ZPLD1: variants seen among roughly 807,000 people sequenced by gnomAD.
ZPLD1 encodes the protein zona pellucida like domain containing 1.
A neutral mutation model predicts 47.2 loss-of-function variants in ZPLD1; 34 were observed. The ratio of observed to expected loss-of-function variants is 0.72; its 90% CI spans 0.55 to 0.96. The LOEUF (loss-of-function observed/expected upper bound fraction) is 0.96, where lower values mean the gene tolerates loss of function less well. ZPLD1 is among the 40% of genes least tolerant of loss of function. The pLI is 0.00. For missense variants in ZPLD1, 512 were observed against 505.8 expected (o/e 1.01, Z -0.12); for synonymous variants, 176 against 186.2 (o/e 0.95, Z 0.45).
chr3:102,471,946 A>C (rs1707692122), intron 10 of ZPLD1, among the ~76,000 whole-genome samples: 3 of 152,162 alleles, frequency 2.0e-5, no homozygotes, highest in Non-Finnish European at 4.4e-5. Context: ...TATTAGCCTT[A>C]ATGCTGTTAT....
chr3:102,408,787 C>T (rs1056833881), intron 7 of ZPLD1, among the ~76,000 whole-genome samples: 7 of 151,788 alleles, frequency 4.6e-5, no homozygotes, highest in African/African-American at 1.2e-4. Flanking sequence ...CACTGTTTGA[C>T]GTTTGTCCTT....
chr3:102,448,692 CAAATTGGTTATAGGAAAACAGA>C, intron 3 of ZPLD1, among the ~76,000 whole-genome samples: 1 of 152,274 alleles, frequency 6.6e-6, no homozygotes, highest in East Asian at 1.9e-4. Context: ...GCAGGAGTTA[CAAATTGGTTATAGGAAAACAGA>C]AAAGAGCACT....
chr3:102,420,506 A>T (rs549467244), intron 8 of ZPLD1, among the ~76,000 whole-genome samples: 1 of 152,124 alleles, frequency 6.6e-6, no homozygotes, highest in South Asian at 2.1e-4. Context: ...AGAAAATTTG[A>T]ACACAGATAA....
At chr3:102,477,409 GC>G in intron 11 of ZPLD1, 33 bp from the exon 12 acceptor site, 1 of 1,593,582 alleles carries the variant, frequency 6.3e-7, no homozygotes, top group South Asian at 1.1e-5. Context: ...ATTATATGGG[GC>G]CTTTACAACC....
At chr3:102,421,251 G>T (rs917868692) in intron 8 of ZPLD1, among the ~76,000 whole-genome samples, 1 of 151,698 alleles carries the variant, frequency 6.6e-6, no homozygotes, top group African/African-American at 2.4e-5. Context: ...TTACATGACA[G>T]AATATAAATC....
At chr3:102,469,320 C>T (rs770752025) in intron 9 of ZPLD1, among the ~76,000 whole-genome samples, 185 bp downstream of exon 9, 18 of 152,068 alleles carry the variant, frequency 1.2e-4, no homozygotes, top group South Asian at 2.1e-4. Context: ...AGCATTATAC[C>T]GAGGATACAG....
At chr3:102,412,528 G>A (rs1214299632) in intron 7 of ZPLD1, among the ~76,000 whole-genome samples, 3 of 151,756 alleles carry the variant, frequency 2.0e-5, no homozygotes, top group Non-Finnish European at 2.9e-5. Flanking sequence ...AAGTTGTTTT[G>A]CCTGAAAAAT....
At chr3:102,428,428 A>G (rs1476871491) in intron 8 of ZPLD1, among the ~76,000 whole-genome samples, 1 of 152,158 alleles carries the variant, frequency 6.6e-6, no homozygotes, top group Non-Finnish European at 1.5e-5. Flanking sequence ...TAAAATAGCT[A>G]GGCTCAAATC....
At chr3:102,462,013 T>A (rs2107346533) in intron 6 of ZPLD1, among the ~76,000 whole-genome samples, 1 of 152,192 alleles carries the variant, frequency 6.6e-6, no homozygotes, top group South Asian at 2.1e-4. Flanking sequence ...GACCACTGAA[T>A]ATAATTTAGA....
chr3:102,413,312 G>A (rs1706766647), intron 7 of ZPLD1, among the ~76,000 whole-genome samples: 1 of 151,678 alleles, frequency 6.6e-6, no homozygotes. Flanking sequence ...ATCTTAAGAT[G>A]GTCATAGACA....
chr3:102,388,062 G>A (rs1045613283), intron 6 of ZPLD1, among the ~76,000 whole-genome samples: 7 of 151,714 alleles, frequency 4.6e-5, no homozygotes, highest in Non-Finnish European at 8.8e-5. Flanking sequence ...GGGTTTCACC[G>A]TGTTAGCCAG....
chr3:102,453,130 C>T lies in ZPLD1; in HGVS notation c.318C>T (p.Asn106=). Residue 106 remains asparagine (N), a synonymous_variant, in exon 4 of 12, where the codon AAC becomes AAT. Coordinates refer to ENST00000466937, the MANE Select transcript of ZPLD1 (RefSeq NM_001329788.2). The part of the protein sequence containing the change: ...INLSTLEGCG[N]NLVVSTIPGV... ...TCAGCACCTTGGAGGGCTGTGGAAACAACCTGGTGGTAAGATTAGTGTGAC... is the reference window on the plus strand; with the variant it reads ...TCAGCACCTTGGAGGGCTGTGGAAATAACCTGGTGGTAAGATTAGTGTGAC... 1.2e-6 allele frequency: 2 copies of T among 1,613,920 alleles called. No individual in the cohort carries two copies. Among genetic ancestry groups the T allele is most frequent in the South Asian group, 2.2e-5 (2 of 91,076 alleles).
rs1211835168 is a variant in ZPLD1, at chr3:102,477,046, G to A, written c.1072+5G>A. On this transcript the variant is annotated splice_donor_5th_base_variant and intron_variant, in intron 11 of 11. Coordinates refer to ENST00000466937, the MANE Select transcript of ZPLD1 (RefSeq NM_001329788.2). ...CAACCAACAATTCGCAACTTGGTAA[G>A]ATAATTAACATATTTTGCAATGTTT... 1 of 1,613,480 alleles carries A rather than the reference G, an allele frequency of 6.2e-7. No homozygotes were observed. The highest frequency in any genetic ancestry group is 8.5e-7 in the Non-Finnish European group (1 of 1,179,590).
At chr3:102,405,087 A>G (rs1706665917) in intron 7 of ZPLD1, among the ~76,000 whole-genome samples, 1 of 152,008 alleles carries the variant, frequency 6.6e-6, no homozygotes, top group Non-Finnish European at 1.5e-5. Flanking sequence ...ACTATTTGCT[A>G]TATTACAAGT....
Position 102,461,725 on chromosome 3 carries a change from G to A in ZPLD1, c.583-556G>A, listed in dbSNP as rs1010177639. Among the ~76,000 whole-genome samples, 5 of 151,850 alleles carry A rather than the reference G, an allele frequency of 3.3e-5. No individual in the cohort carries two copies. In the South Asian group the frequency reaches 8.3e-4, roughly 25 times the overall value. On this transcript the variant is annotated intron_variant, in intron 6 of 11. Coordinates refer to ENST00000466937, the MANE Select transcript of ZPLD1 (RefSeq NM_001329788.2). ...CCTGTAGTTTCTTCTATTCTCCCTAGAAGAAAATTTCTATTCTTCTGTGAC... is the reference window on the plus strand; with the variant it reads ...CCTGTAGTTTCTTCTATTCTCCCTAAAAGAAAATTTCTATTCTTCTGTGAC...
At chr3:102,443,123 T>C (rs1406485909) in intron 3 of ZPLD1, among the ~76,000 whole-genome samples, 3 of 152,206 alleles carry the variant, frequency 2.0e-5, no homozygotes, top group Non-Finnish European at 2.9e-5. Flanking sequence ...AAGAAATCTT[T>C]AATGATAAAG....
chr3:102,443,560 T>C (rs1420460990), intron 3 of ZPLD1, among the ~76,000 whole-genome samples: 1 of 152,194 alleles, frequency 6.6e-6, no homozygotes, highest in African/African-American at 2.4e-5. Flanking sequence ...TGAAAAGTCA[T>C]GTGTTGGGGG....
At chr3:102,407,442 T>TATATATATATATACAC (rs1553708474) in intron 7 of ZPLD1, among the ~76,000 whole-genome samples, 7 of 95,508 alleles carry the variant, frequency 7.3e-5, no homozygotes, top group African/African-American at 1.2e-4. Context: ...TATATATATA[T>TATATATATATATACAC]ACACACATAT....
intron 8 of ZPLD1, among the ~76,000 whole-genome samples, chr3:102,423,524 A>G (rs1266271645): frequency 6.6e-6 from 1 of 152,038 alleles, no homozygotes; most frequent in Non-Finnish European, 1.5e-5. Flanking sequence ...TAATCTTACA[A>G]TTTTATTTTG....
Sources: allele counts gnomAD v4.1 joint callset (sites outside exome capture counted in the v4.1 genomes callset), GRCh38; gene constraint gnomAD v4.1.1; transcripts MANE v1.5; gene names NCBI Gene and HGNC (gene_info 2026-07-23, HGNC 2026-07-21).